The following RSRC1 variants were observed in gnomAD, a reference collection of about 807,000 sequenced individuals.
RSRC1 encodes the protein serine/Arginine-related protein 53.
A neutral mutation model predicts 49.1 loss-of-function variants in RSRC1; 39 were observed. The observed-to-expected ratio is 0.79, with a 90% CI of 0.61 to 1.04. The LOEUF is 1.04. Among genes scored for constraint, RSRC1 ranks in the 50% least tolerant of loss-of-function variants. RSRC1 has a pLI of 0.00. For synonymous variants in RSRC1, 143 were observed against 130.8 expected (o/e 1.09, Z -0.63); for missense variants, 388 against 402.4 (o/e 0.96, Z 0.31).
At chr3:158,211,381 A>G (rs1226403504) in intron 4 of RSRC1, among the ~76,000 whole-genome samples, 1 of 151,956 alleles carries the variant, frequency 6.6e-6, no homozygotes, top group African/African-American at 2.4e-5. Context: ...ATGAGAAAAT[A>G]AGTGAGACGT....
At chr3:158,140,058 T>C (rs1417800175) in intron 3 of RSRC1, among the ~76,000 whole-genome samples, 6 of 151,532 alleles carry the variant, frequency 4.0e-5, no homozygotes, top group Non-Finnish European at 8.8e-5. Context: ...AGGATTATTG[T>C]GAGAAGAAGT....
Position 158,544,804 on chromosome 3 carries a change from T to G in RSRC1, c.*529T>G, listed in dbSNP as rs1488858782. On this transcript the variant is annotated 3_prime_UTR_variant, in exon 10 of 10. Transcript: ENST00000611884. ...TTTATGGAAAAAAAATTTTTGAAACTTAAATAAATTGGTGATTTTGCTTAG... is the reference window on the plus strand; with the variant it reads ...TTTATGGAAAAAAAATTTTTGAAACGTAAATAAATTGGTGATTTTGCTTAG... The G allele has an allele frequency of 6.6e-6, 1 of 152,252 alleles. No individual in the cohort carries two copies. Among genetic ancestry groups the G allele is most frequent in the Non-Finnish European group, 1.5e-5 (1 of 68,060 alleles). 9.4% of individuals were successfully genotyped at this position (152,252 alleles called of 1,614,324 possible). A position where few individuals can be genotyped will look rare whatever the true frequency, so the allele number is the denominator to read the frequency against.
At chr3:158,232,773 A>G (rs1056624821) in intron 4 of RSRC1, among the ~76,000 whole-genome samples, 2 of 152,104 alleles carry the variant, frequency 1.3e-5, no homozygotes, top group Non-Finnish European at 2.9e-5. Context: ...TGCTTGGCAA[A>G]ATGATCTACT....
chr3:158,540,807 C>CT (rs1169554702), intron 8 of RSRC1, among the ~76,000 whole-genome samples: 6 of 152,192 alleles, frequency 3.9e-5, no homozygotes, highest in African/African-American at 1.4e-4. Context: ...TACTGACCAT[C>CT]TGACCATTAC....
intron 7 of RSRC1, among the ~76,000 whole-genome samples, chr3:158,486,716 CAAAACTTA>C (rs1266449554): frequency 6.6e-6 from 1 of 152,034 alleles, no homozygotes; most frequent in Non-Finnish European, 1.5e-5. Flanking sequence ...GTGCTAGAAC[CAAAACTTA>C]GGTTACCTAA....
chr3:158,198,835 C>A (rs1720836211), intron 3 of RSRC1, among the ~76,000 whole-genome samples: 2 of 152,140 alleles, frequency 1.3e-5, no homozygotes, highest in Non-Finnish European at 2.9e-5. Context: ...CTTAATATCA[C>A]ATTGAGAAAG....
rs1474171119 is a variant in RSRC1 at position 158,124,085 on chromosome 3, AT to A, written c.320+98del. ...TCATTTATTTTCTTATAATTATATA[AT>A]TTTGATTGAGCTTAGCTGGCACTTA... On this transcript the variant is annotated intron_variant, in intron 3 of 9. Coordinates refer to ENST00000611884, the MANE Select transcript of RSRC1 (RefSeq NM_001271838.2). 3.2e-6 allele frequency: 3 copies of A among 927,072 alleles called. No individual in the cohort carries two copies. In the African/African-American group the frequency reaches 5.1e-5, roughly 16 times the overall value. 57.4% of individuals were successfully genotyped at this position (927,072 alleles called of 1,614,324 possible). A position where few individuals can be genotyped will look rare whatever the true frequency, so the allele number is the denominator to read the frequency against.
chr3:158,231,218 A>G (rs954961196), intron 4 of RSRC1, among the ~76,000 whole-genome samples: 2 of 137,666 alleles, frequency 1.5e-5, no homozygotes, highest in Non-Finnish European at 3.0e-5. Flanking sequence ...ATCTCAGCTC[A>G]CTACAGCCCC....
intron 5 of RSRC1, among the ~76,000 whole-genome samples, chr3:158,336,027 G>T (rs2108204992): frequency 6.6e-6 from 1 of 152,282 alleles, no homozygotes; most frequent in South Asian, 2.1e-4. Context: ...TTCCAGAGGA[G>T]GACTCATTTA....
intron 7 of RSRC1, among the ~76,000 whole-genome samples, chr3:158,473,093 A>G (rs143366053): frequency 0.011 from 1,664 of 152,298 alleles, 21 homozygotes; most frequent in African/African-American, 0.038. Flanking sequence ...AACCATTGTG[A>G]AAGACAGTGT....
chr3:158,396,297 T>G (rs1332751169), intron 6 of RSRC1, among the ~76,000 whole-genome samples: 1 of 151,972 alleles, frequency 6.6e-6, no homozygotes, highest in African/African-American at 2.4e-5. Flanking sequence ...GACATGCAAT[T>G]TACCTATATA....
At chr3:158,473,277 T>C (rs1420932631) in intron 7 of RSRC1, among the ~76,000 whole-genome samples, 1 of 152,062 alleles carries the variant, frequency 6.6e-6, no homozygotes, top group Non-Finnish European at 1.5e-5. Flanking sequence ...TGTCCAACAA[T>C]GATAGACTGG....
At chr3:158,288,409 T>C (rs1378935777) in intron 4 of RSRC1, among the ~76,000 whole-genome samples, 3 of 152,242 alleles carry the variant, frequency 2.0e-5, no homozygotes, top group Non-Finnish European at 4.4e-5. Flanking sequence ...TCTCACCTGC[T>C]AACTCCAAAC....
intron 5 of RSRC1, among the ~76,000 whole-genome samples, chr3:158,328,342 A>G (rs189532820): frequency 3.3e-5 from 5 of 152,198 alleles, no homozygotes; most frequent in African/African-American, 1.2e-4. Context: ...GGTCTTTACA[A>G]TTTGGCATGT....
chr3:158,445,288 A>G lies in RSRC1; in HGVS notation c.584-15647A>G, dbSNP rs548284066. On this transcript the variant is annotated intron_variant, in intron 6 of 9. Transcript: ENST00000611884. ...ATCAGTGATAGACTGGATTAAGACAATGTGGCACATACACCCCATGAAATA... is the reference window on the plus strand; with the variant it reads ...ATCAGTGATAGACTGGATTAAGACAGTGTGGCACATACACCCCATGAAATA... Among the ~76,000 whole-genome samples the G allele has an allele frequency of 6.0e-3, 921 of 152,292 alleles. 2 individuals carry two copies. Among genetic ancestry groups the G allele is most frequent in the Non-Finnish European group, 0.011 (744 of 68,016 alleles).
intron 3 of RSRC1, among the ~76,000 whole-genome samples, chr3:158,185,832 C>A (rs1409540581): frequency 2.6e-5 from 4 of 151,894 alleles, no homozygotes; most frequent in African/African-American, 9.7e-5. Flanking sequence ...AACATACAAT[C>A]CAGTGAGTTA....
At chr3:158,333,362 CAT>C (rs1291480754) in intron 5 of RSRC1, among the ~76,000 whole-genome samples, 1 of 152,114 alleles carries the variant, frequency 6.6e-6, no homozygotes, top group African/African-American at 2.4e-5. Flanking sequence ...TTTTTCCTAC[CAT>C]ATAAAACTAG....
chr3:158,132,091 C>T (rs997875439), intron 3 of RSRC1: 3 of 440,968 alleles, frequency 6.8e-6, no homozygotes, highest in Admixed American at 2.4e-5. Context: ...TCAAGGTATC[C>T]TCCTACCTCA....
chr3:158,264,165 C>A (rs1300269606), intron 4 of RSRC1, among the ~76,000 whole-genome samples: 2 of 151,990 alleles, frequency 1.3e-5, no homozygotes, highest in Non-Finnish European at 2.9e-5. Flanking sequence ...CTCATGTAGG[C>A]GTTTAGTATT....
Sources: allele counts gnomAD v4.1 joint callset (sites outside exome capture counted in the v4.1 genomes callset), GRCh38; gene constraint gnomAD v4.1.1; transcripts MANE v1.5; gene names NCBI Gene and HGNC (gene_info 2026-07-23, HGNC 2026-07-21).